The following MGAM2 variants were observed in gnomAD, a reference collection of about 807,000 sequenced individuals.
The protein encoded by MGAM2 is probable maltase-glucoamylase 2.
Under a neutral mutation model 96.1 loss-of-function variants are expected in MGAM2, and 98 were observed. The ratio of observed to expected loss-of-function variants is 1.02; its 90% CI spans 0.87 to 1.21. The LOEUF is 1.21. Among genes scored for constraint, MGAM2 ranks in the 50% most tolerant of loss-of-function variants. The probability of loss-of-function intolerance (pLI) is 0.00; values close to 1 mark genes in which losing one functional copy is unlikely to be tolerated. For synonymous variants in MGAM2, 749 were observed against 414.8 expected, an observed-to-expected ratio of 1.81 and a Z score of -9.79; for missense variants, 2,055 against 1,182.4, an observed-to-expected ratio of 1.74 and a Z score of -10.82.
chr7:142,213,388 G>GT (rs1272829144), intron 46 of MGAM2, among the ~76,000 whole-genome samples: 1 of 152,084 alleles, frequency 6.6e-6, no homozygotes, highest in Non-Finnish European at 1.5e-5. Context: ...CCAGGAGCTG[G>GT]TTTTTTGAAA....
At chr7:142,183,517 A>G in intron 33 of MGAM2, 144 bp downstream of exon 33, 1 of 576,228 alleles carries the variant, frequency 1.7e-6, no homozygotes, top group Non-Finnish European at 3.1e-6. Flanking sequence ...TTAGCTCAAT[A>G]AGCATTAATA....
At chr7:142,181,506 A>T (rs1488562400) in intron 32 of MGAM2, among the ~76,000 whole-genome samples, 1 of 152,042 alleles carries the variant, frequency 6.6e-6, no homozygotes, top group African/African-American at 2.4e-5. Flanking sequence ...GGTGGGGGAG[A>T]TGGGGGATCC....
At chr7:142,143,012 T>C (rs1265555727) in intron 12 of MGAM2, among the ~76,000 whole-genome samples, 1 of 152,214 alleles carries the variant, frequency 6.6e-6, no homozygotes, top group Non-Finnish European at 1.5e-5. Context: ...AGCCAGGAGC[T>C]CAATCCATTT....
At chr7:142,187,688 T>C (rs1796741268) in intron 35 of MGAM2, 62 bp from the exon 36 acceptor site, 1 of 690,062 alleles carries the variant, frequency 1.4e-6, no homozygotes, top group East Asian at 2.7e-5. Flanking sequence ...GTTAGTGTCC[T>C]CTATAGCCAA....
intron 3 of MGAM2, among the ~76,000 whole-genome samples, chr7:142,124,408 A>G (rs1794680788): frequency 6.6e-6 from 1 of 152,002 alleles, no homozygotes; most frequent in African/African-American, 2.4e-5. Flanking sequence ...TCTGGAATGT[A>G]TTTTGTTGAG....
At chr7:142,144,969 G>A in intron 14 of MGAM2, 24 bp downstream of exon 14, 1 of 702,256 alleles carries the variant, frequency 1.4e-6, no homozygotes, top group Non-Finnish European at 2.6e-6. Context: ...TGTTTGCTAT[G>A]ACGTAGGAAT....
chr7:142,178,926 G>A (rs1216507298), intron 32 of MGAM2, among the ~76,000 whole-genome samples: 1 of 151,954 alleles, frequency 6.6e-6, no homozygotes, highest in Non-Finnish European at 1.5e-5. Flanking sequence ...ATTTGTTTGT[G>A]TCATCTCTGA....
chr7:142,178,754 G>A (rs1796451285), intron 32 of MGAM2, among the ~76,000 whole-genome samples: 1 of 152,040 alleles, frequency 6.6e-6, no homozygotes, highest in Non-Finnish European at 1.5e-5. Flanking sequence ...TATTCAGGCT[G>A]TTTTTTGGTT....
At chr7:142,184,040 T>C (rs1445777852) in intron 33 of MGAM2, among the ~76,000 whole-genome samples, 7 of 136,788 alleles carry the variant, frequency 5.1e-5, no homozygotes, top group African/African-American at 1.9e-4. Context: ...TGGTATGATC[T>C]TGGCTGTCTG....
chr7:142,133,861 G>GAA (rs1374205555), intron 6 of MGAM2, 120 bp from the exon 7 acceptor site: 1 of 507,158 alleles, frequency 2.0e-6, no homozygotes, highest in African/African-American at 2.0e-5. Flanking sequence ...AAGGTAGCAA[G>GAA]AAAATTGCTA....
rs561580068 is a variant in MGAM2, at chr7:142,146,847, C to A, written c.1517-609C>A. ...GGCTCAAGTGATTCTCCTGCCTCAG[C>A]CTCCCAAGTAGCTGGGACTGTAGGC... On this transcript the variant is annotated intron_variant, in intron 14 of 47. Coordinates refer to ENST00000477922, the MANE Select transcript of MGAM2 (RefSeq NM_001293626.2). Among the ~76,000 whole-genome samples the A allele has an allele frequency of 1.3e-3, 200 of 152,098 alleles. 2 individuals are homozygous for A. In the South Asian group the frequency reaches 0.016, roughly 12 times the overall value.
intron 18 of MGAM2, 60 bp from the exon 19 acceptor site, chr7:142,158,188 A>G: frequency 1.4e-6 from 1 of 701,098 alleles, no homozygotes; most frequent in Non-Finnish European, 2.6e-6. Flanking sequence ...TTGTTACATA[A>G]TGTGCCATTG....
At chr7:142,114,837 A>AT (rs1408161793) in intron 1 of MGAM2, among the ~76,000 whole-genome samples, 1 of 152,164 alleles carries the variant, frequency 6.6e-6, no homozygotes, top group Non-Finnish European at 1.5e-5. Flanking sequence ...CAAAATCATT[A>AT]TTTTTTGGGT....
Position 142,220,511 on chromosome 7 carries a change from A to T in MGAM2, c.6000A>T (p.Thr2000=), listed in dbSNP as rs1472964824. 2 of 702,024 alleles carry T rather than the reference A, an allele frequency of 2.8e-6. No individual in the cohort carries two copies. The highest frequency in any genetic ancestry group is 5.4e-5 in the East Asian group (2 of 37,240). 43.5% of individuals were successfully genotyped at this position (702,024 alleles called of 1,614,324 possible). Residue 2000 remains threonine, a synonymous_variant, in exon 48 of 48, where the codon ACA becomes ACT. Coordinates refer to ENST00000477922, the MANE Select transcript of MGAM2 (RefSeq NM_001293626.2). ...CAACTAGTACTACTGTTCCTGATAC[A>T]ACTGCTCCTTTCCCTACAAGTACTA... ...SVTTSTTVPD[T]TAPFPTSTTS... is the part of the protein sequence containing the mutation.
intron 12 of MGAM2, among the ~76,000 whole-genome samples, chr7:142,143,030 G>T (rs540561626): frequency 1.8e-3 from 270 of 152,238 alleles, no homozygotes; most frequent in African/African-American, 6.2e-3. Flanking sequence ...TTTACTGTGG[G>T]TATTTCAAGC....
intron 31 of MGAM2, among the ~76,000 whole-genome samples, chr7:142,174,200 T>G (rs1037609446): frequency 1.3e-5 from 2 of 152,218 alleles, no homozygotes; most frequent in African/African-American, 2.4e-5. Context: ...TAAAATAGTT[T>G]TCTCTAGTTT....
In MGAM2 at chr7:142,198,287, A is replaced by C. The variant is rs1797113136; in HGVS notation, c.4923+92A>C. 1.8e-5 allele frequency: 12 copies of C among 649,736 alleles called. No individual in the cohort carries two copies. In the East Asian group the frequency reaches 2.5e-4, roughly 13 times the overall value. The allele number at this position is 649,736 out of a possible 1,614,324, so 40.2% of individuals were successfully genotyped here. Reference sequence around the variant, plus strand: ...TCTATTTCCAAGCACATATTTCCTAAGGCAATAATTTTGACCTTTTTAGCC... The same window carrying C: ...TCTATTTCCAAGCACATATTTCCTACGGCAATAATTTTGACCTTTTTAGCC... On this transcript the variant is annotated intron_variant, in intron 43 of 47. Coordinates refer to ENST00000477922, the MANE Select transcript of MGAM2 (RefSeq NM_001293626.2).
chr7:142,133,917 T>C (rs1437015992), intron 6 of MGAM2, 64 bp from the exon 7 acceptor site: 2 of 633,220 alleles, frequency 3.2e-6, no homozygotes, highest in Non-Finnish European at 5.8e-6. Context: ...AAGGAGAAGA[T>C]AGCTTCCTGG....
At chr7:142,202,227 G>T (rs970340719) in intron 45 of MGAM2, among the ~76,000 whole-genome samples, 4 of 152,078 alleles carry the variant, frequency 2.6e-5, no homozygotes, top group African/African-American at 9.7e-5. Flanking sequence ...GCTGTCCCTG[G>T]GTATCCATAG....
Sources: gnomAD v4.1 joint callset for allele counts (sites outside exome capture counted in the v4.1 genomes callset) on GRCh38, gnomAD v4.1.1 for gene constraint, MANE v1.5 for transcripts, NCBI Gene and HGNC (gene_info 2026-07-23, HGNC 2026-07-21) for gene names.